TRIO: variants seen among roughly 807,000 people sequenced by gnomAD.
TRIO encodes the protein triple functional domain protein.
A neutral mutation model predicts 351.9 loss-of-function variants in TRIO; 58 were observed. That is an observed-to-expected ratio of 0.16 (90% CI 0.13 to 0.21). TRIO has a LOEUF of 0.21. Ranked by LOEUF, TRIO falls within the 10% of genes least tolerant of loss-of-function variation. The pLI, the probability that TRIO is intolerant of heterozygous loss-of-function variation, is 1.00. For synonymous variants in TRIO, 1,758 were observed against 1,595.7 expected, an observed-to-expected ratio of 1.10 and a Z score of -2.42; for missense variants, 3,201 against 4,027.8, an observed-to-expected ratio of 0.79 and a Z score of 5.56.
intron 37 of TRIO, among the ~76,000 whole-genome samples, chr5:14,470,100 A>G (rs558399098): frequency 1.0e-3 from 158 of 152,284 alleles, no homozygotes; most frequent in Admixed American, 4.3e-3. Context: ...GAGTGCATTT[A>G]TTTTTCAGAT....
chr5:14,288,679 A>AC (rs1491435778), intron 4 of TRIO, among the ~76,000 whole-genome samples: 3 of 147,378 alleles, frequency 2.0e-5, no homozygotes, highest in Non-Finnish European at 4.5e-5. Context: ...AAAAAAAAAA[A>AC]GTCCAGCAAA....
rs928977803 is a variant in TRIO, at chr5:14,508,165, G to A, written c.9037G>A (p.Asp3013Asn). ...NICRLDFSFP[D>N]DYFKGVSQKA... is the part of the protein sequence containing the mutation. ...TTGCCGCTTAGACTTTAGCTTCCCA[G>A]ATGACTACTTTAAAGGAGTGAGCCA... The change falls in exon 57 of 57, where the codon GAT (aspartate) becomes AAT (asparagine). Residue 3013 changes from aspartate (D) to asparagine (N), a missense_variant. Asp to Asn is a conservative substitution (Grantham distance 23, BLOSUM62 1). Transcript: ENST00000344204. 2.2e-5 allele frequency: 35 copies of A among 1,614,154 alleles called. No homozygotes were observed. In the Middle Eastern group the frequency reaches 8.2e-4, roughly 38 times the overall value.
At chr5:14,407,593 C>T (rs1054585309) in intron 33 of TRIO, among the ~76,000 whole-genome samples, 2 of 152,198 alleles carry the variant, frequency 1.3e-5, no homozygotes, top group Non-Finnish European at 2.9e-5. Context: ...CTCTCATAAC[C>T]ATAGTGTGCA....
At chr5:14,202,375 A>G (rs1313489356) in intron 1 of TRIO, among the ~76,000 whole-genome samples, 1 of 132,400 alleles carries the variant, frequency 7.6e-6, no homozygotes, top group African/African-American at 2.9e-5. Flanking sequence ...TGTGTGGCCC[A>G]AGACAATTCC....
At chr5:14,185,425 T>G (rs1790049042) in intron 1 of TRIO, among the ~76,000 whole-genome samples, 1 of 152,196 alleles carries the variant, frequency 6.6e-6, no homozygotes. Flanking sequence ...GTGCCCAGCA[T>G]AGTTGTTAAA....
At chr5:14,293,824 A>G (rs1737114545) in intron 6 of TRIO, among the ~76,000 whole-genome samples, 1 of 152,186 alleles carries the variant, frequency 6.6e-6, no homozygotes, top group Admixed American at 6.5e-5. Context: ...TGTATGTTCT[A>G]TAGGACATTT....
At chr5:14,349,432 G>C in intron 11 of TRIO, among the ~76,000 whole-genome samples, 1 of 152,050 alleles carries the variant, frequency 6.6e-6, no homozygotes, top group East Asian at 1.9e-4. Context: ...TTTTTTAAGT[G>C]TTAAAGACTT....
At chr5:14,496,788 G>T (rs567737528) in intron 49 of TRIO, 91 bp from the exon 50 acceptor site, 2 of 1,534,682 alleles carry the variant, frequency 1.3e-6, no homozygotes, top group South Asian at 2.5e-5. Flanking sequence ...ACACACATAC[G>T]TTGAATATTC....
intron 1 of TRIO, among the ~76,000 whole-genome samples, chr5:14,197,011 G>A (rs1380846469): frequency 2.6e-5 from 4 of 152,160 alleles, no homozygotes; most frequent in Admixed American, 6.5e-5. Flanking sequence ...TGTTCAATGC[G>A]TAATTACACT....
intron 1 of TRIO, among the ~76,000 whole-genome samples, chr5:14,257,235 A>C (rs957788113): frequency 3.7e-4 from 56 of 152,284 alleles, no homozygotes; most frequent in Middle Eastern, 3.4e-3. Context: ...CACCTCCACC[A>C]GATCCAGGGG....
chr5:14,204,909 A>G (rs889329413), intron 1 of TRIO, among the ~76,000 whole-genome samples: 1 of 152,196 alleles, frequency 6.6e-6, no homozygotes, highest in Non-Finnish European at 1.5e-5. Flanking sequence ...AGGGCCTGCC[A>G]CCATGTATAC....
chr5:14,323,529 G>GAGAGAT (rs56063188), intron 9 of TRIO, among the ~76,000 whole-genome samples: 5 of 151,872 alleles, frequency 3.3e-5, no homozygotes, highest in African/African-American at 4.8e-5. Context: ...CAGAGAGAGA[G>GAGAGAT]AGGAGTTTAG....
At chr5:14,500,555 G>T (rs1396386298) in intron 53 of TRIO, among the ~76,000 whole-genome samples, 1 of 152,118 alleles carries the variant, frequency 6.6e-6, no homozygotes, top group African/African-American at 2.4e-5. Flanking sequence ...ATCATCCAAA[G>T]AGAGCCCTGT....
At chr5:14,248,171 A>G (rs966808233) in intron 1 of TRIO, among the ~76,000 whole-genome samples, 1 of 152,122 alleles carries the variant, frequency 6.6e-6, no homozygotes, top group Non-Finnish European at 1.5e-5. Context: ...CTCATGGTAT[A>G]TTAGGAAATC....
chr5:14,231,120 T>C (rs754820181), intron 1 of TRIO, among the ~76,000 whole-genome samples: 1 of 152,252 alleles, frequency 6.6e-6, no homozygotes, highest in Non-Finnish European at 1.5e-5. Context: ...AGGAATTTAC[T>C]TTGCTCTAAC....
chr5:14,338,451 C>A (rs1161192988), intron 11 of TRIO, among the ~76,000 whole-genome samples: 1 of 152,218 alleles, frequency 6.6e-6, no homozygotes, highest in Non-Finnish European at 1.5e-5. Context: ...CTCTCCCTTG[C>A]ACCTTCTAGA....
At chr5:14,364,066 C>CAG in intron 14 of TRIO, 139 bp downstream of exon 14, 4 of 801,176 alleles carry the variant, frequency 5.0e-6, no homozygotes, top group South Asian at 2.3e-5. Flanking sequence ...TTTAAAAGAA[C>CAG]GTTTGCATTT....
In TRIO at chr5:14,297,259, A is replaced by C. The variant is rs1350273887; in HGVS notation, c.1364A>C (p.Glu455Ala). The C allele has an allele frequency of 6.2e-7, 1 of 1,613,382 alleles. No homozygotes were observed. Among genetic ancestry groups the C allele is most frequent in the Non-Finnish European group, 8.5e-7 (1 of 1,179,662 alleles). Residue 455 changes from glutamate to alanine, a missense_variant, in exon 7 of 57, where the codon GAA becomes GCA. Transcript: ENST00000344204. The part of the protein sequence containing the change: ...DMSSIFHQKA[E>A]KYMSNVDSWC... Reference sequence around the variant, plus strand: ...TCCTCCATTTTCCACCAGAAGGCCGAAAAGGTCAGTGCCTTGAACCCCCAG... The same window carrying C: ...TCCTCCATTTTCCACCAGAAGGCCGCAAAGGTCAGTGCCTTGAACCCCCAG...
chr5:14,381,546 CTAAGA>C (rs1401786295), intron 21 of TRIO, among the ~76,000 whole-genome samples: 4 of 152,162 alleles, frequency 2.6e-5, no homozygotes, highest in Admixed American at 2.0e-4. Flanking sequence ...GTTTACTTCT[CTAAGA>C]TGTTTTCTGA....
Sources: gnomAD v4.1 joint callset for allele counts (sites outside exome capture counted in the v4.1 genomes callset) on GRCh38, gnomAD v4.1.1 for gene constraint, MANE v1.5 for transcripts, NCBI Gene and HGNC (gene_info 2026-07-23, HGNC 2026-07-21) for gene names.